MDGA2: variants seen among roughly 807,000 people sequenced by gnomAD.
MDGA2 encodes MAM domain containing glycosylphosphatidylinositol anchor 2.
In MDGA2, 40 loss-of-function variants were observed where a neutral mutation model predicts 117.8. The observed-to-expected ratio is 0.34, with a 90% CI of 0.26 to 0.44. The LOEUF (loss-of-function observed/expected upper bound fraction) is 0.44. Among genes scored for constraint, MDGA2 ranks in the 20% least tolerant of loss-of-function variants. MDGA2 has a pLI of 1.00. For synonymous variants in MDGA2, 452 were observed against 439.0 expected (o/e 1.03, Z -0.37); for missense variants, 1,123 against 1,250.6 (o/e 0.90, Z 1.54).
In MDGA2 at chr14:47,416,090, T is replaced by C. The variant is rs1219334451; in HGVS notation, c.281-114540A>G. 3.9e-5 allele frequency among the ~76,000 whole-genome samples: 6 copies of C among 152,108 alleles called. No homozygotes were observed. The East Asian group carries it at 1.2e-3, about 29-fold the overall frequency. On this transcript the variant is annotated intron_variant, in intron 1 of 16. Coordinates refer to ENST00000399232, the MANE Select transcript of MDGA2 (RefSeq NM_001113498.3). The stretch of plus-strand genomic sequence containing the variant: ...AATTCCATCTCAGTAGCCCCCAAAG[T>C]CTTCATTTTATCTAGCGTCAACTCA...
At chr14:47,222,743 A>G (rs1451978316) in intron 2 of MDGA2, among the ~76,000 whole-genome samples, 3 of 152,238 alleles carry the variant, frequency 2.0e-5, no homozygotes, top group Admixed American at 2.0e-4. Flanking sequence ...CAGGCATGCT[A>G]TTGAAACTTA....
intron 10 of MDGA2, among the ~76,000 whole-genome samples, chr14:46,915,438 T>C (rs1285521254): frequency 6.6e-6 from 1 of 152,114 alleles, no homozygotes; most frequent in Non-Finnish European, 1.5e-5. Context: ...CCCATAAACA[T>C]GTATAAATAT....
intron 1 of MDGA2, among the ~76,000 whole-genome samples, chr14:47,453,337 G>C (rs555524984): frequency 4.6e-5 from 7 of 152,040 alleles, no homozygotes; most frequent in Non-Finnish European, 8.8e-5. Flanking sequence ...GGGTGCTGTA[G>C]AGTTTCAAAG....
intron 2 of MDGA2, among the ~76,000 whole-genome samples, chr14:47,284,785 AAG>A (rs201409306): frequency 0.091 from 13,776 of 152,102 alleles, 748 homozygotes; most frequent in Non-Finnish European, 0.11. Flanking sequence ...CTCCTGTGGT[AAG>A]AAACTGCCTA....
chr14:47,487,173 A>G, intron 1 of MDGA2, among the ~76,000 whole-genome samples: 1 of 152,198 alleles, frequency 6.6e-6, no homozygotes, highest in East Asian at 1.9e-4. Context: ...AAAACAAGGG[A>G]CATAGGTATT....
chr14:47,627,391 C>A (rs893649524), intron 1 of MDGA2, among the ~76,000 whole-genome samples: 4 of 151,394 alleles, frequency 2.6e-5, no homozygotes, highest in East Asian at 3.9e-4. Flanking sequence ...CTTGGAGAAC[C>A]TTTATGTCCA....
chr14:47,346,833 A>G (rs1028655654), intron 1 of MDGA2, among the ~76,000 whole-genome samples: 3 of 152,246 alleles, frequency 2.0e-5, no homozygotes, highest in African/African-American at 7.2e-5. Flanking sequence ...CATGAACAAT[A>G]TAATTCATGG....
chr14:47,135,864 A>G (rs1423054004), intron 4 of MDGA2, among the ~76,000 whole-genome samples: 3 of 151,938 alleles, frequency 2.0e-5, no homozygotes, highest in Non-Finnish European at 4.4e-5. Flanking sequence ...TTTTGTTCCT[A>G]TCTGAACTGA....
At chr14:46,916,057 AAAG>A (rs1292694966) in intron 10 of MDGA2, among the ~76,000 whole-genome samples, 2 of 152,184 alleles carry the variant, frequency 1.3e-5, no homozygotes, top group Non-Finnish European at 2.9e-5. Context: ...CGAGGAGAAC[AAAG>A]AAGTAGTTTC....
intron 2 of MDGA2, among the ~76,000 whole-genome samples, chr14:47,246,449 T>C (rs1246146559): frequency 1.3e-5 from 2 of 151,744 alleles, no homozygotes; most frequent in African/African-American, 4.8e-5. Flanking sequence ...CCCAAACTCC[T>C]TTCAGGCAAC....
intron 1 of MDGA2, among the ~76,000 whole-genome samples, chr14:47,392,353 A>C (rs1891915487): frequency 6.6e-6 from 1 of 152,120 alleles, no homozygotes; most frequent in Non-Finnish European, 1.5e-5. Context: ...CATTGAAATA[A>C]AATATCTAGT....
Position 47,052,606 on chromosome 14 carries a change from T to C in MDGA2, c.1525+8643A>G, listed in dbSNP as rs1436529698. 3.3e-5 allele frequency among the ~76,000 whole-genome samples: 5 copies of C among 151,926 alleles called. No homozygotes were observed. In the East Asian group the frequency reaches 9.6e-4, roughly 29 times the overall value. ...ATAGAATACTCTCCATTTTTATATT[T>C]ATGTCCCTCAAAATATAACTAGTAA... On this transcript the variant is annotated intron_variant, in intron 7 of 16. Coordinates refer to ENST00000399232, the MANE Select transcript of MDGA2 (RefSeq NM_001113498.3).
chr14:47,093,032 T>G (rs921696895), intron 6 of MDGA2, among the ~76,000 whole-genome samples: 1 of 152,000 alleles, frequency 6.6e-6, no homozygotes, highest in Non-Finnish European at 1.5e-5. Flanking sequence ...AAGATCTTCA[T>G]AGCTCACTCT....
chr14:47,466,760 A>C (rs542992396), intron 1 of MDGA2, among the ~76,000 whole-genome samples: 38 of 152,244 alleles, frequency 2.5e-4, no homozygotes, highest in African/African-American at 8.9e-4. Context: ...CTTTCTGTAC[A>C]TACACATACA....
intron 1 of MDGA2, among the ~76,000 whole-genome samples, chr14:47,344,044 T>A (rs1890709294): frequency 6.6e-6 from 1 of 152,190 alleles, no homozygotes; most frequent in African/African-American, 2.4e-5. Flanking sequence ...AAACAGCTGA[T>A]CACTGTTTAC....
intron 1 of MDGA2, among the ~76,000 whole-genome samples, chr14:47,461,265 A>ATGTGTGTGTGTGTGTGTGTGTG (rs1415422668): frequency 7.5e-5 from 1 of 13,272 alleles, no homozygotes; most frequent in African/African-American, 1.3e-4. Context: ...AGTTAAAAAA[A>ATGTGTGTGTGTGTGTGTGTGTG]TGTATGTGTG....
intron 14 of MDGA2, among the ~76,000 whole-genome samples, chr14:46,858,977 G>C (rs1031965408): frequency 9.0e-4 from 137 of 152,144 alleles, no homozygotes; most frequent in African/African-American, 3.2e-3. Context: ...TGACCATGCT[G>C]AACTTGTATA....
At chr14:47,328,427 A>G (rs919623739) in intron 1 of MDGA2, among the ~76,000 whole-genome samples, 3 of 152,190 alleles carry the variant, frequency 2.0e-5, no homozygotes, top group Admixed American at 6.6e-5. Context: ...TTCTTCTTTC[A>G]GGGCATACAA....
chr14:47,348,349 T>A (rs993575077), intron 1 of MDGA2, among the ~76,000 whole-genome samples: 2 of 151,876 alleles, frequency 1.3e-5, no homozygotes, highest in Non-Finnish European at 2.9e-5. Flanking sequence ...GTAGCTGAGA[T>A]TACAGGCGTG....
Sources: gnomAD v4.1 joint callset for allele counts (sites outside exome capture counted in the v4.1 genomes callset) on GRCh38, gnomAD v4.1.1 for gene constraint, MANE v1.5 for transcripts, NCBI Gene and HGNC (gene_info 2026-07-23, HGNC 2026-07-21) for gene names.